The following RPN1 variants were observed in gnomAD, a reference collection of about 807,000 sequenced individuals.
The protein encoded by RPN1 is ribophorin I, also known as dolichyl-diphosphooligosaccharide--protein glycosyltransferase subunit 1.
A neutral mutation model predicts 55.5 loss-of-function variants in RPN1; 12 were observed. That is an observed-to-expected ratio of 0.22 (90% CI 0.14 to 0.35). The LOEUF (loss-of-function observed/expected upper bound fraction) is 0.35. RPN1 is among the 10% of genes least tolerant of loss of function. The probability of loss-of-function intolerance (pLI) is 1.00; values close to 1 mark genes in which losing one functional copy is unlikely to be tolerated. For synonymous variants in RPN1, 317 were observed against 305.9 expected (o/e 1.04, Z -0.38); for missense variants, 679 against 761.3 (o/e 0.89, Z 1.27).
At chr3:128,643,400 A>C (rs2069742758) in intron 2 of RPN1, among the ~76,000 whole-genome samples, 1 of 151,870 alleles carries the variant, frequency 6.6e-6, no homozygotes, top group African/African-American at 2.4e-5. Context: ...GTGGTGGCTC[A>C]CACCTGTAAT....
At chr3:128,642,405 A>C (rs1020263488) in intron 2 of RPN1, 2 of 152,292 alleles carry the variant, frequency 1.3e-5, no homozygotes, top group African/African-American at 2.4e-5. Flanking sequence ...CACAGAAAAC[A>C]AAAAAGGTGG....
At chr3:128,648,215 A>C (rs2069784168) in intron 1 of RPN1, among the ~76,000 whole-genome samples, 1 of 152,180 alleles carries the variant, frequency 6.6e-6, no homozygotes, top group Admixed American at 6.6e-5. Flanking sequence ...AACATGCGTG[A>C]AACCCTGTCT....
At chr3:128,627,164 G>A (rs1436087873) in intron 5 of RPN1, 21 of 313,364 alleles carry the variant, frequency 6.7e-5, no homozygotes, top group South Asian at 5.5e-4. Flanking sequence ...AGAGAGCACA[G>A]CAGGCCAGTG....
At chr3:128,626,377 A>C (rs113125761) in intron 6 of RPN1, among the ~76,000 whole-genome samples, 2 of 152,240 alleles carry the variant, frequency 1.3e-5, no homozygotes, top group Admixed American at 6.5e-5. Context: ...AGCTGTTCTG[A>C]ATGTTCTTTC....
intron 3 of RPN1, among the ~76,000 whole-genome samples, chr3:128,633,212 GTTTTTCTTTT>G (rs1435384371): frequency 2.6e-5 from 4 of 151,412 alleles, no homozygotes; most frequent in Non-Finnish European, 5.9e-5. Context: ...ACAGCAAGAG[GTTTTTCTTTT>G]TTTTTCTTTT....
At chr3:128,638,890 C>T (rs1231749944) in intron 2 of RPN1, among the ~76,000 whole-genome samples, 1 of 151,790 alleles carries the variant, frequency 6.6e-6, no homozygotes, top group African/African-American at 2.4e-5. Flanking sequence ...CACTTGAACC[C>T]GGGAGGCGGA....
At chr3:128,625,301 C>A (rs976905442) in intron 8 of RPN1, among the ~76,000 whole-genome samples, 3 of 152,132 alleles carry the variant, frequency 2.0e-5, no homozygotes, top group African/African-American at 7.2e-5. Context: ...CTCAACTGAG[C>A]ATCCAAGTTA....
intron 8 of RPN1, among the ~76,000 whole-genome samples, chr3:128,624,746 G>C (rs1325774061): frequency 6.6e-6 from 1 of 151,752 alleles, no homozygotes; most frequent in Non-Finnish European, 1.5e-5. Context: ...GGCTGAGGCA[G>C]AATCGCTCGA....
Position 128,625,948 on chromosome 3 carries a change from G to C in RPN1, c.1201C>G (p.Leu401Val). ...ATCACAGGGCGGCCAAATGTGTCCA[G>C]ATAGGTGTAGTGCAGCTCATCTGGG... ...RAPDELHYTY[L>V]DTFGRPVIVA... The change falls in exon 7 of 10, where the codon CTG becomes GTG. Residue 401 changes from leucine to valine, a missense_variant. Leu to Val is a conservative substitution (Grantham distance 32, BLOSUM62 1). Transcript: ENST00000296255. 1 of 1,613,812 alleles carries C rather than the reference G, an allele frequency of 6.2e-7. No homozygotes were observed. The highest frequency in any genetic ancestry group is 8.5e-7 in the Non-Finnish European group (1 of 1,179,786).
At chr3:128,643,954 A>T (rs1243583775) in intron 2 of RPN1, among the ~76,000 whole-genome samples, 1 of 152,146 alleles carries the variant, frequency 6.6e-6, no homozygotes, top group Non-Finnish European at 1.5e-5. Flanking sequence ...ATAATAACTA[A>T]TAAGTTCCAG....
At chr3:128,623,614 G>A (rs2069576222) in intron 8 of RPN1, among the ~76,000 whole-genome samples, 1 of 152,048 alleles carries the variant, frequency 6.6e-6, no homozygotes, top group African/African-American at 2.4e-5. Context: ...GGAGGATGAG[G>A]TGGGAGGATG....
Position 128,632,175 on chromosome 3 carries a change from A to C in RPN1, c.634-18T>G. Reference sequence around the variant, plus strand: ...AAAGTATCCTGGAAGGAAGGAAACAAATAGTTCAAAGTTTTGGCAACAGAG... The same window carrying C: ...AAAGTATCCTGGAAGGAAGGAAACACATAGTTCAAAGTTTTGGCAACAGAG... On this transcript the variant is annotated intron_variant, in intron 3 of 9. Coordinates refer to ENST00000296255, the MANE Select transcript of RPN1 (RefSeq NM_002950.4). The C allele has an allele frequency of 1.2e-6, 2 of 1,613,114 alleles. No individual in the cohort carries two copies. Among genetic ancestry groups the C allele is most frequent in the Non-Finnish European group, 8.5e-7 (1 of 1,179,150 alleles).
At chr3:128,638,248 G>T (rs1576797391) in intron 2 of RPN1, 143 bp from the exon 3 acceptor site, 1 of 633,540 alleles carries the variant, frequency 1.6e-6, no homozygotes, top group East Asian at 2.8e-5. Flanking sequence ...TTGAGATGGA[G>T]TCTCACTCTA....
chr3:128,641,935 C>G (rs906092940), intron 2 of RPN1, among the ~76,000 whole-genome samples: 1 of 152,090 alleles, frequency 6.6e-6, no homozygotes, highest in Non-Finnish European at 1.5e-5. Flanking sequence ...TAGCCATGAT[C>G]ATATCAGGTA....
At chr3:128,622,111 AGT>A (rs1167139057) in intron 9 of RPN1, 51 bp downstream of exon 9, 24 of 1,587,092 alleles carry the variant, frequency 1.5e-5, no homozygotes, top group Non-Finnish European at 1.9e-5. Flanking sequence ...TAGACAAAGC[AGT>A]GAGGCATGGA....
intron 3 of RPN1, among the ~76,000 whole-genome samples, chr3:128,635,612 GATATATATAT>G (rs112246211): frequency 0.18 from 23,230 of 125,724 alleles, 2,255 homozygotes; most frequent in East Asian, 0.43. Context: ...TATAACTTGA[GATATATATAT>G]ATATATATAT....
At chr3:128,638,766 G>A (rs899005777) in intron 2 of RPN1, among the ~76,000 whole-genome samples, 3 of 152,044 alleles carry the variant, frequency 2.0e-5, no homozygotes, top group Non-Finnish European at 4.4e-5. Context: ...AGGAGTTCCA[G>A]ACCAGCCTGG....
chr3:128,635,819 C>CAT (rs1468847475), intron 3 of RPN1, among the ~76,000 whole-genome samples: 118 of 148,710 alleles, frequency 7.9e-4, no homozygotes, highest in African/African-American at 1.1e-3. Context: ...GCCATATATA[C>CAT]ATATATATAT....
At chr3:128,622,549 C>A in intron 8 of RPN1, 140 bp from the exon 9 acceptor site, 1 of 1,046,188 alleles carries the variant, frequency 9.6e-7, no homozygotes, top group Non-Finnish European at 1.4e-6. Context: ...CAAACCCCTA[C>A]TGATACCTAA....
Sources: gnomAD v4.1 joint callset for allele counts (sites outside exome capture counted in the v4.1 genomes callset) on GRCh38, gnomAD v4.1.1 for gene constraint, MANE v1.5 for transcripts, NCBI Gene and HGNC (gene_info 2026-07-23, HGNC 2026-07-21) for gene names.